GSE1: variants seen among roughly 807,000 people sequenced by gnomAD.
GSE1 encodes genetic suppressor element 1.
GSE1 carries 32 observed loss-of-function variants against 112.6 expected under a neutral mutation model. The ratio of observed to expected loss-of-function variants is 0.28; its 90% CI spans 0.21 to 0.38. The LOEUF (loss-of-function observed/expected upper bound fraction) is 0.38, where lower values mean the gene tolerates loss of function less well. GSE1 is among the 10% of genes least tolerant of loss of function. The probability of loss-of-function intolerance (pLI) is 1.00; values close to 1 mark genes in which losing one functional copy is unlikely to be tolerated. For synonymous variants in GSE1, 1,115 were observed against 735.6 expected (o/e 1.52, Z -8.35); for missense variants, 2,348 against 1,699.2 (o/e 1.38, Z -6.71).
At chr16:85,217,394 C>T (rs1597822823) in intron 1 of GSE1, among the ~76,000 whole-genome samples, 1 of 152,170 alleles carries the variant, frequency 6.6e-6, no homozygotes, top group Non-Finnish European at 1.5e-5. Context: ...CGCCTGGGAC[C>T]ATGCGAAGGC....
At chr16:85,333,683 G>A (rs1394084556) in intron 1 of GSE1, among the ~76,000 whole-genome samples, 6 of 152,182 alleles carry the variant, frequency 3.9e-5, no homozygotes, top group Non-Finnish European at 8.8e-5. Context: ...TTTGGAGCTG[G>A]GCCGGCAGGC....
In GSE1 at chr16:85,656,395, G is replaced by C. The variant is rs1430576676; in HGVS notation, c.1042G>C (p.Glu348Gln). 2 of 1,463,326 alleles carry C rather than the reference G, an allele frequency of 1.4e-6. No homozygotes were observed. The highest frequency in any genetic ancestry group is 1.8e-6 in the Non-Finnish European group (2 of 1,085,508). 90.6% of individuals were successfully genotyped at this position (1,463,326 alleles called of 1,614,324 possible). The change falls in exon 7 of 16, where the codon GAG (glutamate) becomes CAG (glutamine). Residue 348 changes from glutamate to glutamine, a missense_variant. Coordinates refer to ENST00000253458, the MANE Select transcript of GSE1 (RefSeq NM_014615.5). Reference protein sequence around the residue: ...RREREREREREREREADRERE... With the variant: ...RRERERERERQREREADRERE... The stretch of plus-strand genomic sequence containing the variant: ...GGAGAGGGAGCGCGAGCGCGAGCGC[G>C]AGCGTGAGCGTGAGGCTGACCGCGA...
At chr16:85,235,815 G>A (rs1904577077) in intron 1 of GSE1, among the ~76,000 whole-genome samples, 1 of 152,002 alleles carries the variant, frequency 6.6e-6, no homozygotes, top group African/African-American at 2.4e-5. Context: ...GCGGCTGGCT[G>A]GAGCCAGGAG....
At chr16:85,538,131 G>A (rs1437669094) in intron 2 of GSE1, among the ~76,000 whole-genome samples, 1 of 152,252 alleles carries the variant, frequency 6.6e-6, no homozygotes. Flanking sequence ...CAGAAGGGGA[G>A]GGGAGAAGAG....
intron 2 of GSE1, among the ~76,000 whole-genome samples, chr16:85,467,765 C>T (rs1018572078): frequency 2.0e-5 from 3 of 152,204 alleles, no homozygotes; most frequent in Admixed American, 6.5e-5. Context: ...GAGATACCCC[C>T]TCCAGATGGG....
chr16:85,435,492 G>GC (rs1200358131), intron 2 of GSE1, among the ~76,000 whole-genome samples: 4 of 152,274 alleles, frequency 2.6e-5, no homozygotes, highest in East Asian at 3.9e-4. Context: ...ATCTGTCACA[G>GC]CCCCCCGCAG....
At chr16:85,609,760 T>C (rs2151525791), upstream of GSE1, among the ~76,000 whole-genome samples, 1 of 152,222 alleles carries the variant, frequency 6.6e-6, no homozygotes, top group Non-Finnish European at 1.5e-5. Context: ...GCTCAAGGGA[T>C]CCTCCTACCT....
At chr16:85,435,381 C>G (rs1209354885) in intron 2 of GSE1, among the ~76,000 whole-genome samples, 1 of 151,472 alleles carries the variant, frequency 6.6e-6, no homozygotes, top group South Asian at 2.1e-4. Flanking sequence ...CCAGGGGGCC[C>G]GGCCTGGGTC....
At chr16:85,300,981 G>A (rs1370060137) in intron 1 of GSE1, among the ~76,000 whole-genome samples, 2 of 152,198 alleles carry the variant, frequency 1.3e-5, no homozygotes, top group Non-Finnish European at 2.9e-5. Context: ...GGTGTGGGAT[G>A]GCAGCATTCG....
chr16:85,287,716 C>T (rs767264892), intron 1 of GSE1, among the ~76,000 whole-genome samples: 1 of 152,112 alleles, frequency 6.6e-6, no homozygotes, highest in Admixed American at 6.5e-5. Context: ...ACCACACCCC[C>T]CGATGCCATT....
upstream of GSE1, among the ~76,000 whole-genome samples, chr16:85,552,350 T>TTTTTTTTTTTTTTTG (rs2044964066): frequency 2.1e-5 from 2 of 96,130 alleles, no homozygotes; most frequent in Admixed American, 1.1e-4. Context: ...TTTTTTTTTT[T>TTTTTTTTTTTTTTTG]GAGACGGAGT....
intron 1 of GSE1, among the ~76,000 whole-genome samples, chr16:85,580,673 C>A (rs1162653457): frequency 5.3e-5 from 8 of 152,238 alleles, no homozygotes; most frequent in Non-Finnish European, 1.5e-5. Flanking sequence ...AGCCCCGACC[C>A]TCAGGGTGGC....
chr16:85,451,349 G>A (rs930570098), intron 2 of GSE1, among the ~76,000 whole-genome samples: 1 of 152,238 alleles, frequency 6.6e-6, no homozygotes, highest in East Asian at 1.9e-4. Context: ...GAGGCGTTCA[G>A]TACAAAGACT....
At chr16:85,367,297 T>G (rs2047204604) in intron 2 of GSE1, among the ~76,000 whole-genome samples, 1 of 152,212 alleles carries the variant, frequency 6.6e-6, no homozygotes, top group South Asian at 2.1e-4. Context: ...TCTGATTGTC[T>G]GCCGGCACGT....
intron 1 of GSE1, among the ~76,000 whole-genome samples, chr16:85,208,995 G>A (rs1468624509): frequency 8.6e-5 from 13 of 150,342 alleles, no homozygotes; most frequent in Middle Eastern, 3.4e-3. Flanking sequence ...GTTGGGGTTC[G>A]CCTGTGTTGG....
upstream of GSE1, chr16:85,555,681 C>T: frequency 2.1e-6 from 2 of 935,704 alleles, no homozygotes; most frequent in Non-Finnish European, 2.5e-6. Flanking sequence ...CGCCGCCCCC[C>T]CCTTCCTTTT....
chr16:85,506,360 G>A (rs2051534813), intron 2 of GSE1, among the ~76,000 whole-genome samples: 1 of 152,166 alleles, frequency 6.6e-6, no homozygotes, highest in African/African-American at 2.4e-5. Flanking sequence ...GGCTGTATGT[G>A]GGGGTGGGGA....
intron 2 of GSE1, among the ~76,000 whole-genome samples, chr16:85,550,090 C>T (rs144556545): frequency 6.6e-6 from 1 of 152,286 alleles, no homozygotes; most frequent in African/African-American, 2.4e-5. Context: ...ACGTATCTTC[C>T]TGGAGTGCAG....
intron 1 of GSE1, among the ~76,000 whole-genome samples, chr16:85,272,416 G>A (rs919148637): frequency 1.3e-5 from 2 of 151,940 alleles, no homozygotes; most frequent in Non-Finnish European, 2.9e-5. Context: ...TCTACTTATT[G>A]GGTGAATGCT....
Sources: gnomAD v4.1 joint callset for allele counts (sites outside exome capture counted in the v4.1 genomes callset) on GRCh38, gnomAD v4.1.1 for gene constraint, MANE v1.5 for transcripts, NCBI Gene and HGNC (gene_info 2026-07-23, HGNC 2026-07-21) for gene names.